The following PDE11A variants were observed in gnomAD, a reference collection of about 807,000 sequenced individuals.
The protein encoded by PDE11A is dual 3',5'-cyclic-AMP and -GMP phosphodiesterase 11A.
PDE11A carries 100 observed loss-of-function variants against 100.5 expected under a neutral mutation model. The ratio of observed to expected loss-of-function variants is 1.00; its 90% CI spans 0.85 to 1.18. PDE11A has a LOEUF of 1.18. Ranked by LOEUF, PDE11A falls within the 50% of genes most tolerant of loss-of-function variation. PDE11A has a pLI of 0.00. For missense variants in PDE11A, 1,141 were observed against 1,152.6 expected (o/e 0.99, Z 0.15); for synonymous variants, 381 against 420.8 (o/e 0.91, Z 1.16).
chr2:177,992,409 A>G (rs1216093492), intron 2 of PDE11A, among the ~76,000 whole-genome samples: 1 of 144,126 alleles, frequency 6.9e-6, no homozygotes, highest in Non-Finnish European at 1.5e-5. Context: ...CATCAAAAAC[A>G]CTTGAATCAA....
chr2:177,892,600 G>C (rs2084547383), intron 4 of PDE11A, among the ~76,000 whole-genome samples: 1 of 152,210 alleles, frequency 6.6e-6, no homozygotes, highest in African/African-American at 2.4e-5. Flanking sequence ...AGTCATTTCA[G>C]ATTTAGACTC....
intron 9 of PDE11A, among the ~76,000 whole-genome samples, chr2:177,773,092 C>T (rs1447926813): frequency 6.6e-6 from 1 of 152,114 alleles, no homozygotes; most frequent in African/African-American, 2.4e-5. Flanking sequence ...ATGATTTCAG[C>T]TCACTGCAGC....
intron 2 of PDE11A, among the ~76,000 whole-genome samples, chr2:177,954,822 C>G (rs1344996902): frequency 6.6e-6 from 1 of 152,128 alleles, no homozygotes; most frequent in African/African-American, 2.4e-5. Context: ...TTCAATTGGT[C>G]TGGGGTGGGA....
chr2:177,822,291 C>CT lies in PDE11A; in HGVS notation c.1501-1997dup, dbSNP rs199631483. Among the ~76,000 whole-genome samples the CT allele has an allele frequency of 6.0e-3, 886 of 147,928 alleles. 6 individuals carry two copies. Among genetic ancestry groups the CT allele is most frequent in the East Asian group, 0.024 (121 of 5,094 alleles). ...TAATATGAGCTAGGAGTCAAAATTT[C>CT]TTTTTTTTTTGAAATGGATATTCAG... On this transcript the variant is annotated intron_variant, in intron 6 of 19. Transcript: ENST00000286063.
chr2:178,088,886 G>A (rs1360706407), intron 2 of PDE11A, among the ~76,000 whole-genome samples: 2 of 152,222 alleles, frequency 1.3e-5, no homozygotes, highest in Non-Finnish European at 2.9e-5. Context: ...AAGTGTAGGA[G>A]ACATTTCCAG....
At chr2:177,972,700 G>A (rs1475453566) in intron 2 of PDE11A, among the ~76,000 whole-genome samples, 7 of 152,110 alleles carry the variant, frequency 4.6e-5, no homozygotes, top group Admixed American at 3.3e-4. Context: ...AGGAGGAGTT[G>A]GCCCTAGACA....
chr2:177,847,978 T>C (rs1207659432), intron 5 of PDE11A, among the ~76,000 whole-genome samples: 1 of 150,912 alleles, frequency 6.6e-6, no homozygotes, highest in African/African-American at 2.4e-5. Flanking sequence ...ATGTCTAGTG[T>C]GAATGGTGTG....
At chr2:177,866,324 A>G (rs2084029801) in intron 5 of PDE11A, among the ~76,000 whole-genome samples, 1 of 152,144 alleles carries the variant, frequency 6.6e-6, no homozygotes, top group African/African-American at 2.4e-5. Context: ...TGAAAGCATG[A>G]TTTCTCCAAC....
chr2:177,806,020 C>T (rs960075046), intron 9 of PDE11A, among the ~76,000 whole-genome samples: 8 of 152,146 alleles, frequency 5.3e-5, no homozygotes, highest in African/African-American at 1.9e-4. Context: ...GATGAGCCTG[C>T]CATCATAGAG....
intron 4 of PDE11A, among the ~76,000 whole-genome samples, chr2:177,883,138 A>G (rs998914092): frequency 1.3e-5 from 2 of 151,978 alleles, no homozygotes; most frequent in African/African-American, 4.8e-5. Flanking sequence ...GCATGGTGGC[A>G]TGCACCTGTA....
rs1558942848 is a variant in PDE11A, at chr2:177,795,934, A to AATATATAT, written c.1737+20894_1737+20895insATATATAT. On this transcript the variant is annotated intron_variant, in intron 9 of 19. Coordinates refer to ENST00000286063, the MANE Select transcript of PDE11A (RefSeq NM_016953.4). ...TAATTATTACTATTATTTTGTTTAA[A>AATATATAT]CTATATATATATATATATATATATA... Among the ~76,000 whole-genome samples the AATATATAT allele has an allele frequency of 4.0e-4, 14 of 35,382 alleles. No individual in the cohort carries two copies. The East Asian group carries it at 4.8e-3, about 12-fold the overall frequency. 23.2% of individuals were successfully genotyped at this position (35,382 alleles called of 152,430 possible).
chr2:177,664,986 A>T (rs4337505), intron 18 of PDE11A, among the ~76,000 whole-genome samples: 100,736 of 151,986 alleles, frequency 0.66, 35,050 homozygotes, highest in Admixed American at 0.77. Context: ...GGCAGAAATC[A>T]CTAGCTGCCA....
chr2:177,658,308 T>A (rs895331316), intron 19 of PDE11A, among the ~76,000 whole-genome samples: 1 of 152,136 alleles, frequency 6.6e-6, no homozygotes, highest in African/African-American at 2.4e-5. Context: ...AATAGTCAAG[T>A]TTAAATAATA....
intron 2 of PDE11A, among the ~76,000 whole-genome samples, chr2:177,949,403 A>G (rs1264770685): frequency 1.3e-5 from 2 of 152,312 alleles, no homozygotes; most frequent in East Asian, 1.9e-4. Context: ...CCCTCCATCC[A>G]GAGATAGCCT....
intron 6 of PDE11A, among the ~76,000 whole-genome samples, chr2:177,826,476 C>T (rs2365894): frequency 0.4 from 60,811 of 152,118 alleles, 14,989 homozygotes; most frequent in East Asian, 0.6. Flanking sequence ...GCTGAGGGAG[C>T]CAATGTTCCC....
At chr2:178,075,457 C>G (rs2087195381), upstream of PDE11A, among the ~76,000 whole-genome samples, 1 of 147,044 alleles carries the variant, frequency 6.8e-6, no homozygotes, top group African/African-American at 2.5e-5. Context: ...GAGGCTGAAG[C>G]AGGAGAATCC....
At chr2:177,874,945 C>T (rs900380819) in intron 5 of PDE11A, among the ~76,000 whole-genome samples, 8 of 152,062 alleles carry the variant, frequency 5.3e-5, no homozygotes, top group African/African-American at 1.4e-4. Context: ...ACAAGGTGGC[C>T]GGGCACAGTG....
chr2:177,834,884 A>G lies in PDE11A; in HGVS notation c.1500+5367T>C, dbSNP rs141218046. On this transcript the variant is annotated intron_variant, in intron 6 of 19. Transcript: ENST00000286063. The stretch of plus-strand genomic sequence containing the variant: ...ATTTTGGAAGGCATCTTGTTAGGCC[A>G]GGACCCAAATTCACAAGACACCCTT... Among the ~76,000 whole-genome samples the G allele has an allele frequency of 1.0e-3, 152 of 152,096 alleles. 1 individual carries two copies. The highest frequency in any genetic ancestry group is 3.4e-3 in the African/African-American group (143 of 41,494).
rs868149236 is a variant in PDE11A at position 177,752,569 on chromosome 2, G to A, written c.1788+16754C>T. Among the ~76,000 whole-genome samples the A allele has an allele frequency of 4.7e-4, 72 of 152,284 alleles. No individual in the cohort carries two copies. The Middle Eastern group carries it at 0.017, about 36-fold the overall frequency. The stretch of plus-strand genomic sequence containing the variant: ...CATATACCCAAACATGTAAAAGATC[G>A]AAATGTTTCACAGCTTTCCAAGGCT... On this transcript the variant is annotated intron_variant, in intron 10 of 19. Coordinates refer to ENST00000286063, the MANE Select transcript of PDE11A (RefSeq NM_016953.4).
Sources: allele counts gnomAD v4.1 joint callset (sites outside exome capture counted in the v4.1 genomes callset), GRCh38; gene constraint gnomAD v4.1.1; transcripts MANE v1.5; gene names NCBI Gene and HGNC (gene_info 2026-07-23, HGNC 2026-07-21).